RBFOX1: variants seen among roughly 807,000 people sequenced by gnomAD.
The protein encoded by RBFOX1 is RNA binding fox-1 homolog 1, also known as RNA binding protein fox-1 homolog 1.
A neutral mutation model predicts 57.7 loss-of-function variants in RBFOX1; 8 were observed. The observed-to-expected ratio is 0.14, with a 90% CI of 0.08 to 0.25. The LOEUF (loss-of-function observed/expected upper bound fraction) is 0.25. Among genes scored for constraint, RBFOX1 ranks in the 10% least tolerant of loss-of-function variants. The pLI, the probability that RBFOX1 is intolerant of heterozygous loss-of-function variation, is 1.00. For synonymous variants in RBFOX1, 326 were observed against 222.4 expected (o/e 1.47, Z -4.15); for missense variants, 611 against 548.5 (o/e 1.11, Z -1.14).
chr16:6,846,563 C>A (rs2093765575), intron 3 of RBFOX1, among the ~76,000 whole-genome samples: 1 of 152,182 alleles, frequency 6.6e-6, no homozygotes, highest in African/African-American at 2.4e-5. Context: ...CGGGGAGCTG[C>A]TGCAATGCGA....
At chr16:6,963,682 G>T (rs1252312741) in intron 3 of RBFOX1, among the ~76,000 whole-genome samples, 3 of 151,946 alleles carry the variant, frequency 2.0e-5, no homozygotes, top group African/African-American at 4.8e-5. Flanking sequence ...GAGCATAGAG[G>T]ATTTATTTAT....
chr16:6,621,758 G>A (rs1382079376), intron 2 of RBFOX1, among the ~76,000 whole-genome samples: 1 of 152,076 alleles, frequency 6.6e-6, no homozygotes, highest in Non-Finnish European at 1.5e-5. Context: ...CAACCTTTAG[G>A]CTAATCACTG....
intron 4 of RBFOX1, among the ~76,000 whole-genome samples, chr16:7,381,450 T>C (rs1407513854): frequency 6.6e-6 from 1 of 152,140 alleles, no homozygotes; most frequent in African/African-American, 2.4e-5. Context: ...TTCTCAATGA[T>C]CTGTTAGTAA....
In RBFOX1 at chr16:6,848,473, C is replaced by T. The variant is rs540871698; in HGVS notation, c.-16+193823C>T. ...CAGCAGGCACCCGATTGCCAGCCCA[C>T]CTTAGACTGAAGGCACTATTTGCTA... On this transcript the variant is annotated intron_variant, in intron 3 of 15. Coordinates refer to ENST00000550418, the MANE Select transcript of RBFOX1 (RefSeq NM_018723.4). Among the ~76,000 whole-genome samples the T allele has an allele frequency of 2.0e-5, 3 of 152,152 alleles. No homozygotes were observed. The East Asian group carries it at 5.8e-4, about 30-fold the overall frequency.
At chr16:5,715,674 T>C (rs2051669948) in intron 3 of RBFOX1, among the ~76,000 whole-genome samples, 1 of 152,182 alleles carries the variant, frequency 6.6e-6, no homozygotes, top group African/African-American at 2.4e-5. Context: ...AGGCTTGCCT[T>C]CTCCATGATG....
intron 2 of RBFOX1, among the ~76,000 whole-genome samples, chr16:6,566,274 C>G (rs116083681): frequency 0.012 from 1,775 of 152,290 alleles, 43 homozygotes; most frequent in African/African-American, 0.037. Flanking sequence ...GCCAGTCTCA[C>G]AGCATCATGG....
At chr16:7,152,297 AAG>A (rs771081415) in intron 4 of RBFOX1, among the ~76,000 whole-genome samples, 1 of 152,158 alleles carries the variant, frequency 6.6e-6, no homozygotes, top group Non-Finnish European at 1.5e-5. Flanking sequence ...TATCAGTGGA[AAG>A]AGAGATGTTG....
At chr16:7,180,711 G>T (rs1372604275) in intron 4 of RBFOX1, among the ~76,000 whole-genome samples, 1 of 52,094 alleles carries the variant, frequency 1.9e-5, no homozygotes, top group African/African-American at 8.0e-5. Flanking sequence ...AAGTTATTAT[G>T]ATGAAAAAAA....
intron 4 of RBFOX1, among the ~76,000 whole-genome samples, chr16:7,307,405 G>A (rs964551815): frequency 3.9e-5 from 6 of 152,212 alleles, no homozygotes. Flanking sequence ...CAGCATCGGA[G>A]TCTACTCTGA....
chr16:7,430,511 A>G (rs530468581), intron 4 of RBFOX1, among the ~76,000 whole-genome samples: 23 of 152,062 alleles, frequency 1.5e-4, no homozygotes, highest in Non-Finnish European at 2.8e-4. Flanking sequence ...AATACAAAAA[A>G]ATTAGCCAGC....
chr16:6,274,101 T>G (rs2075532550), intron 1 of RBFOX1, among the ~76,000 whole-genome samples: 1 of 152,198 alleles, frequency 6.6e-6, no homozygotes, highest in Non-Finnish European at 1.5e-5. Flanking sequence ...GGAGAGGATG[T>G]CAAATGATAC....
At chr16:6,867,447 G>T (rs58325870) in intron 3 of RBFOX1, among the ~76,000 whole-genome samples, 34,671 of 151,774 alleles carry the variant, frequency 0.23, 4,473 homozygotes, top group Admixed American at 0.36. Context: ...GGCCGGGTGT[G>T]GGGGCTCACT....
At chr16:7,430,183 T>C (rs1027032193) in intron 4 of RBFOX1, among the ~76,000 whole-genome samples, 4 of 152,242 alleles carry the variant, frequency 2.6e-5, no homozygotes, top group African/African-American at 9.6e-5. Context: ...TATTTTTGGA[T>C]AAATAATGTT....
In RBFOX1 at chr16:6,188,204, C is replaced by T. The variant is rs577464503; in HGVS notation, c.-126-128791C>T. On this transcript the variant is annotated intron_variant, in intron 1 of 15. Transcript: ENST00000550418. ...CATATATAAGTAAGCCTGTTCAGTT[C>T]AAACTGGCGTGATCCAAGGGTCAAT... Among the ~76,000 whole-genome samples the T allele has an allele frequency of 6.8e-4, 104 of 152,184 alleles. 3 individuals are homozygous for T. In the South Asian group the frequency reaches 0.021, roughly 31 times the overall value.
chr16:6,536,198 C>A (rs538067326), intron 2 of RBFOX1, among the ~76,000 whole-genome samples: 1 of 152,114 alleles, frequency 6.6e-6, no homozygotes, highest in Non-Finnish European at 1.5e-5. Context: ...AAATGCAACC[C>A]AAAAATCTTG....
intron 3 of RBFOX1, among the ~76,000 whole-genome samples, chr16:6,991,686 G>A (rs960001928): frequency 1.3e-5 from 2 of 152,062 alleles, no homozygotes; most frequent in African/African-American, 4.8e-5. Flanking sequence ...ACAGGCTTGT[G>A]CTGCCATTCC....
At chr16:6,317,395 C>G (rs988973635) in intron 2 of RBFOX1, among the ~76,000 whole-genome samples, 1 of 151,902 alleles carries the variant, frequency 6.6e-6, no homozygotes, top group Admixed American at 6.6e-5. Context: ...ATTCTGTCCC[C>G]CTTCTGAGTC....
chr16:7,139,636 C>G (rs78479340), intron 4 of RBFOX1, among the ~76,000 whole-genome samples: 1 of 152,074 alleles, frequency 6.6e-6, no homozygotes, highest in East Asian at 1.9e-4. Flanking sequence ...CTGAGTCCAC[C>G]CTCGACAGTT....
intron 3 of RBFOX1, among the ~76,000 whole-genome samples, chr16:6,937,277 C>T (rs550859727): frequency 6.6e-6 from 1 of 152,102 alleles, no homozygotes; most frequent in Non-Finnish European, 1.5e-5. Context: ...AACTCACGAC[C>T]AACACTGTTT....
Sources: allele counts gnomAD v4.1 joint callset (sites outside exome capture counted in the v4.1 genomes callset), GRCh38; gene constraint gnomAD v4.1.1; transcripts MANE v1.5; gene names NCBI Gene and HGNC (gene_info 2026-07-23, HGNC 2026-07-21).